Variants in IPPK observed in about 807,000 individuals in gnomAD.
The protein encoded by IPPK is inositol-pentakisphosphate 2-kinase.
Under a neutral mutation model 64.6 loss-of-function variants are expected in IPPK, and 22 were observed. That is an observed-to-expected ratio of 0.34 (90% CI 0.24 to 0.49). IPPK has a LOEUF of 0.49. Ranked by LOEUF, IPPK falls within the 20% of genes least tolerant of loss-of-function variation. The pLI, the probability that IPPK is intolerant of heterozygous loss-of-function variation, is 0.99. For synonymous variants in IPPK, 262 were observed against 247.2 expected, an observed-to-expected ratio of 1.06 and a Z score of -0.56; for missense variants, 532 against 630.7, an observed-to-expected ratio of 0.84 and a Z score of 1.68.
rs768280842 is a variant in IPPK at position 92,635,232 on chromosome 9, G to A, written c.993C>T (p.Asp331=). The A allele has an allele frequency of 6.2e-7, 1 of 1,614,148 alleles. No individual in the cohort carries two copies. The highest frequency in any genetic ancestry group is 8.5e-7 in the Non-Finnish European group (1 of 1,179,996). ...LYKTLQVQML[D]LLDIEGLYPL... ...GGTAGAGGCCTTCGATGTCCAGCAG[G>A]TCCAACATCTGCACCTGGAGGGTTT... Residue 331 remains aspartate, a synonymous_variant, in exon 10 of 13, where the codon GAC becomes GAT. Coordinates refer to ENST00000287996, the MANE Select transcript of IPPK (RefSeq NM_022755.6). This position sits in a 1 kb window ranked among gnomAD's most constrained non-coding sequence, Gnocchi z 4.4.
At chr9:92,645,550 A>G (rs892864108) in intron 6 of IPPK, among the ~76,000 whole-genome samples, 3 of 152,148 alleles carry the variant, frequency 2.0e-5, no homozygotes, top group Admixed American at 1.3e-4. Flanking sequence ...TAGACACACC[A>G]TAATCAAACT....
At chr9:92,665,747 G>A (rs1189921811) in intron 1 of IPPK, among the ~76,000 whole-genome samples, 1 of 151,866 alleles carries the variant, frequency 6.6e-6, no homozygotes, top group Non-Finnish European at 1.5e-5. Flanking sequence ...CTCATATAAA[G>A]GACTTAATTC....
At chr9:92,616,333 C>T (rs771216425) in intron 12 of IPPK, 7 of 385,974 alleles carry the variant, frequency 1.8e-5, no homozygotes, top group Non-Finnish European at 2.9e-5. Context: ...CAGGCCAGTG[C>T]ACCCCACCAT....
In IPPK at chr9:92,648,127, A is replaced by C. The variant is rs1284560413; in HGVS notation, c.436T>G (p.Phe146Val). 6.2e-7 allele frequency: 1 copy of C among 1,613,618 alleles called. No homozygotes were observed. Among genetic ancestry groups the C allele is most frequent in the Non-Finnish European group, 8.5e-7 (1 of 1,179,726 alleles). Reference sequence around the variant, plus strand: ...ATCTCATGCGTGACATCACTCGAGAAAGGAATAAACCCACATTTTGGCTGT... The same window carrying C: ...ATCTCATGCGTGACATCACTCGAGACAGGAATAAACCCACATTTTGGCTGT... ...EIKPKCGFIP[F>V]SSDVTHEMKH... The change falls in exon 6 of 13, where the codon TTC (phenylalanine) becomes GTC (valine). Residue 146 changes from phenylalanine (F) to valine (V), a missense_variant. Coordinates refer to ENST00000287996, the MANE Select transcript of IPPK (RefSeq NM_022755.6).
At chr9:92,661,066 G>A (rs1852472649) in intron 1 of IPPK, among the ~76,000 whole-genome samples, 1 of 152,120 alleles carries the variant, frequency 6.6e-6, no homozygotes, top group African/African-American at 2.4e-5. Flanking sequence ...TATTGCAATA[G>A]CCAGCAGGTG....
At chr9:92,650,332 A>AAAAAAC (rs892253082) in intron 4 of IPPK, among the ~76,000 whole-genome samples, 1 of 152,134 alleles carries the variant, frequency 6.6e-6, no homozygotes, top group Non-Finnish European at 1.5e-5. Context: ...ATCTCAAAAA[A>AAAAAAC]AAAAACAAAA....
At chr9:92,656,130 A>C (rs1306466050) in intron 3 of IPPK, among the ~76,000 whole-genome samples, 1 of 152,156 alleles carries the variant, frequency 6.6e-6, no homozygotes, top group Admixed American at 6.5e-5. Flanking sequence ...CCTGTGTTCA[A>C]AGGTGCCCAG....
At chr9:92,638,330 G>A (rs373472919) in intron 8 of IPPK, 50 bp from the exon 9 acceptor site, 2 of 1,577,016 alleles carry the variant, frequency 1.3e-6, no homozygotes, top group Non-Finnish European at 1.7e-6. Flanking sequence ...CAAGCTTGTA[G>A]GAAAAGAACT....
intron 10 of IPPK, among the ~76,000 whole-genome samples, chr9:92,634,840 G>A (rs967696630): frequency 2.6e-5 from 4 of 152,236 alleles, no homozygotes; most frequent in Non-Finnish European, 5.9e-5. Flanking sequence ...AGGCTGGGCT[G>A]ACACAGAACG....
intron 11 of IPPK, among the ~76,000 whole-genome samples, chr9:92,622,611 T>C (rs1484843233): frequency 6.6e-6 from 1 of 151,834 alleles, no homozygotes; most frequent in Non-Finnish European, 1.5e-5. Flanking sequence ...CAGAATAATA[T>C]ATATATATAT....
Position 92,619,775 on chromosome 9 carries a change from G to A in IPPK, c.1171-210C>T, listed in dbSNP as rs1002626528. On this transcript the variant is annotated intron_variant, in intron 11 of 12. Coordinates refer to ENST00000287996, the MANE Select transcript of IPPK (RefSeq NM_022755.6). ...GCCCTCAGTGCCACGGGGCTGCTCA[G>A]AGGCCAGCACCGCCCCCTGACCTCT... is the stretch of plus-strand genomic sequence containing the variant. 22 of 585,744 alleles carry A rather than the reference G, an allele frequency of 3.8e-5. No individual in the cohort carries two copies. In the African/African-American group the frequency reaches 3.9e-4, roughly 10 times the overall value. 36.3% of individuals were successfully genotyped at this position (585,744 alleles called of 1,614,324 possible).
rs568253007 is a variant in IPPK at position 92,621,556 on chromosome 9, C to A, written c.1171-1991G>T. Among the ~76,000 whole-genome samples the A allele has an allele frequency of 7.0e-5, 10 of 141,990 alleles. No homozygotes were observed. In the South Asian group the frequency reaches 2.3e-3, roughly 32 times the overall value. The allele number at this position is 141,990 out of a possible 152,430, so 93.2% of individuals were successfully genotyped here. ...TGAGACAGGGTCTCGTTCTGTTGCC[C>A]AGGCTGGAGCACAGTGGTACCATCA... On this transcript the variant is annotated intron_variant, in intron 11 of 12. Coordinates refer to ENST00000287996, the MANE Select transcript of IPPK (RefSeq NM_022755.6).
chr9:92,624,384 G>A (rs867828338), intron 11 of IPPK, among the ~76,000 whole-genome samples: 1 of 152,060 alleles, frequency 6.6e-6, no homozygotes, highest in Non-Finnish European at 1.5e-5. Flanking sequence ...ACTTGAACCC[G>A]GGAGGCGGAG....
At chr9:92,634,521 C>T (rs750740700) in intron 10 of IPPK, 33 bp from the exon 11 acceptor site, 1 of 1,482,088 alleles carries the variant, frequency 6.7e-7, no homozygotes, top group East Asian at 2.3e-5. Flanking sequence ...AACAGGATGA[C>T]AAAGCCGCAC....
At chr9:92,642,401 G>A (rs768184619) in intron 7 of IPPK, among the ~76,000 whole-genome samples, 59 of 152,390 alleles carry the variant, frequency 3.9e-4, no homozygotes, top group Admixed American at 1.2e-3. Flanking sequence ...ATCCACAGAG[G>A]AGGGAGAGAT....
At chr9:92,617,732 G>A (rs1851488649) in intron 12 of IPPK, 1 of 165,854 alleles carries the variant, frequency 6.0e-6, no homozygotes, top group South Asian at 1.6e-4. Flanking sequence ...AGAAGCCAAG[G>A]CCGCACACTG....
intron 4 of IPPK, among the ~76,000 whole-genome samples, chr9:92,651,905 G>T (rs1055722412): frequency 6.6e-6 from 1 of 151,920 alleles, no homozygotes; most frequent in African/African-American, 2.4e-5. Context: ...TATATATTTT[G>T]TTTGTTTGTT....
At chr9:92,625,488 G>C (rs1851716807) in intron 11 of IPPK, among the ~76,000 whole-genome samples, 1 of 152,142 alleles carries the variant, frequency 6.6e-6, no homozygotes, top group Non-Finnish European at 1.5e-5. Context: ...ACTAACAGTG[G>C]TGTGAACACA....
At chr9:92,647,691 T>C (rs1852175149) in intron 6 of IPPK, among the ~76,000 whole-genome samples, 1 of 151,640 alleles carries the variant, frequency 6.6e-6, no homozygotes, top group Non-Finnish European at 1.5e-5. Context: ...GTGGTGATTG[T>C]ACAACCTTGT....
Sources: allele counts gnomAD v4.1 joint callset (sites outside exome capture counted in the v4.1 genomes callset), GRCh38; gene constraint gnomAD v4.1.1; non-coding constraint Gnocchi (gnomAD v3.1); transcripts MANE v1.5; gene names NCBI Gene and HGNC (gene_info 2026-07-23, HGNC 2026-07-21).